The following FDFT1 variants were observed in gnomAD, a reference collection of about 807,000 sequenced individuals.
The protein encoded by FDFT1 is squalene synthase.
A neutral mutation model predicts 46.8 loss-of-function variants in FDFT1; 68 were observed. The ratio of observed to expected loss-of-function variants is 1.45; its 90% CI spans 1.19 to 1.78. The LOEUF is 1.78. Ranked by LOEUF, FDFT1 falls within the 40% of genes most tolerant of loss-of-function variation. FDFT1 has a pLI of 0.00. For synonymous variants in FDFT1, 351 were observed against 185.1 expected (o/e 1.90, Z -7.28); for missense variants, 928 against 524.4 (o/e 1.77, Z -7.52).
intron 1 of FDFT1, 190 bp downstream of exon 1, chr8:11,803,121 C>T: frequency 1.4e-6 from 2 of 1,429,044 alleles, no homozygotes. Flanking sequence ...TCCTGGCTGA[C>T]CTGTCCCTGC....
At chr8:11,808,174 C>A (rs779481655) in intron 1 of FDFT1, 2 of 807,796 alleles carry the variant, frequency 2.5e-6, no homozygotes, top group Non-Finnish European at 1.6e-6. Flanking sequence ...AAGACAGATG[C>A]GTTGAGTACA....
At chr8:11,800,481 C>A (rs1774755082), upstream of FDFT1, among the ~76,000 whole-genome samples, 1 of 151,850 alleles carries the variant, frequency 6.6e-6, no homozygotes. Flanking sequence ...CTGTATTTGT[C>A]CCGATTGGCT....
rs936567324 is a variant in FDFT1 at position 11,838,438 on chromosome 8, G to T, written c.1083G>T (p.Gln361His). The change falls in exon 8 of 8, where the codon CAG becomes CAT. Residue 361 changes from glutamine (Q) to histidine (H), a missense_variant. Gln to His is a conservative substitution (Grantham distance 24). Transcript: ENST00000220584. ...DSDPSSSKTR[Q>H]IISTIRTQNL... ...ACCCATCTTCTAGCAAAACAAGGCAGATCATCTCCACCATCCGGACGCAGA... is the reference window on the plus strand; with the variant it reads ...ACCCATCTTCTAGCAAAACAAGGCATATCATCTCCACCATCCGGACGCAGA... 18 of 1,611,764 alleles carry T rather than the reference G, an allele frequency of 1.1e-5. No homozygotes were observed. The highest frequency in any genetic ancestry group is 1.5e-5 in the Non-Finnish European group (18 of 1,179,088).
Position 11,826,103 on chromosome 8 carries a change from T to C in FDFT1, c.590T>C (p.Val197Ala), listed in dbSNP as rs755134615. ...FSASEFEDPL[V>A]GEDTERANSM... ...GCCTCAGAGTTTGAAGACCCCTTAG[T>C]TGGTGAAGATACAGAACGTGCCAAC... Residue 197 changes from valine (V) to alanine (A), a missense_variant, in exon 5 of 8, where the codon GTT becomes GCT. Transcript: ENST00000220584. 2.5e-6 allele frequency: 4 copies of C among 1,610,892 alleles called. No individual in the cohort carries two copies. Among genetic ancestry groups the C allele is most frequent in the East Asian group, 2.2e-5 (1 of 44,838 alleles).
chr8:11,830,932 A>G (rs368765802), intron 6 of FDFT1, among the ~76,000 whole-genome samples: 165 of 152,362 alleles, frequency 1.1e-3, no homozygotes, highest in African/African-American at 3.7e-3. Context: ...AAGTAACAGC[A>G]TTTAACTGAT....
At chr8:11,836,360 G>C (rs929292026) in intron 7 of FDFT1, among the ~76,000 whole-genome samples, 1 of 152,200 alleles carries the variant, frequency 6.6e-6, no homozygotes, top group Non-Finnish European at 1.5e-5. Context: ...TCCAAGTAGG[G>C]CTGGACCTTG....
intron 2 of FDFT1, chr8:11,809,193 C>G (rs1807358034): frequency 8.2e-7 from 1 of 1,225,482 alleles, no homozygotes; most frequent in South Asian, 2.2e-5. Context: ...CTCGGCTTCC[C>G]TTATCCAACT....
intron 2 of FDFT1, chr8:11,809,106 G>T (rs1438524601): frequency 1.8e-5 from 23 of 1,279,126 alleles, no homozygotes; most frequent in South Asian, 2.1e-5. Flanking sequence ...TTTCAGAGAA[G>T]AGGGGGGAGG....
chr8:11,811,040 T>C (rs573347882), intron 3 of FDFT1, among the ~76,000 whole-genome samples: 3 of 150,772 alleles, frequency 2.0e-5, no homozygotes, highest in African/African-American at 7.3e-5. Flanking sequence ...AGCCCAAATA[T>C]AGTACAACAT....
chr8:11,830,649 A>G lies in FDFT1; in HGVS notation c.879+229A>G, dbSNP rs142337685. Among the ~76,000 whole-genome samples, 325 of 152,182 alleles carry G rather than the reference A, an allele frequency of 2.1e-3. 2 individuals are homozygous for G. The highest frequency in any genetic ancestry group is 6.7e-3 in the African/African-American group (277 of 41,512). On this transcript the variant is annotated intron_variant, in intron 6 of 7. Transcript: ENST00000220584. ...TCAGAACCTTCTTTCTGGATTTACTATTTTCTACAGCTATCCTAAACTAGT... is the reference window on the plus strand; with the variant it reads ...TCAGAACCTTCTTTCTGGATTTACTGTTTTCTACAGCTATCCTAAACTAGT...
chr8:11,819,251 C>A (rs969256878), intron 3 of FDFT1, among the ~76,000 whole-genome samples: 5 of 152,168 alleles, frequency 3.3e-5, no homozygotes, highest in African/African-American at 1.2e-4. Context: ...TTGTGGGTAA[C>A]CCGACCTTTC....
At chr8:11,812,430 G>A (rs565640657) in intron 3 of FDFT1, among the ~76,000 whole-genome samples, 2 of 152,276 alleles carry the variant, frequency 1.3e-5, no homozygotes, top group African/African-American at 2.4e-5. Flanking sequence ...AAATGAATGT[G>A]AGGTGCCTCC....
intron 3 of FDFT1, among the ~76,000 whole-genome samples, chr8:11,816,058 A>C (rs1487508731): frequency 6.6e-6 from 1 of 152,206 alleles, no homozygotes; most frequent in Non-Finnish European, 1.5e-5. Context: ...GATGTAAGGA[A>C]GGGATCCAGT....
chr8:11,834,397 T>G (rs1811260647), intron 7 of FDFT1, among the ~76,000 whole-genome samples: 1 of 152,164 alleles, frequency 6.6e-6, no homozygotes, highest in Non-Finnish European at 1.5e-5. Context: ...CCCATTCCCC[T>G]CTCTGCCAAA....
intron 3 of FDFT1, among the ~76,000 whole-genome samples, chr8:11,811,894 G>T (rs1473693146): frequency 6.6e-6 from 1 of 152,230 alleles, no homozygotes; most frequent in Non-Finnish European, 1.5e-5. Flanking sequence ...TTTGAGATGG[G>T]ACTGTATGGG....
In FDFT1 at chr8:11,838,654, C is replaced by CT. The variant is rs768097910; in HGVS notation, c.*52dup. The CT allele has an allele frequency of 4.2e-6, 6 of 1,430,314 alleles. No homozygotes were observed. The highest frequency in any genetic ancestry group is 1.1e-5 in the South Asian group (1 of 87,172). The allele number at this position is 1,430,314 out of a possible 1,614,324, so 88.6% of individuals were successfully genotyped here. A position where few individuals can be genotyped will look rare whatever the true frequency, so the allele number is the denominator to read the frequency against. On this transcript the variant is annotated 3_prime_UTR_variant, in exon 8 of 8. Coordinates refer to ENST00000220584, the MANE Select transcript of FDFT1 (RefSeq NM_004462.5). ...TGAAGTCCACCATAAAGTGGATTTA[C>CT]TTTTTTTCTTTAAGGATGGATGTTG...
upstream of FDFT1, chr8:11,802,377 G>T (rs1227792826): frequency 2.2e-6 from 1 of 453,340 alleles, no homozygotes; most frequent in Non-Finnish European, 4.4e-6. Context: ...CCCGACTGCG[G>T]ACCACCGTTG....
intron 4 of FDFT1, among the ~76,000 whole-genome samples, chr8:11,822,718 G>A (rs368589032): frequency 3.3e-5 from 5 of 152,264 alleles, no homozygotes; most frequent in South Asian, 4.1e-4. Flanking sequence ...GGAGGCTGAG[G>A]TGTGGGAGGA....
chr8:11,803,192 G>A (rs541086656), intron 1 of FDFT1: 13 of 1,410,970 alleles, frequency 9.2e-6, no homozygotes, highest in African/African-American at 2.9e-5. Flanking sequence ...TGCGCTCCCC[G>A]TTTCGTCCCC....
Sources: gnomAD v4.1 joint callset for allele counts (sites outside exome capture counted in the v4.1 genomes callset) on GRCh38, gnomAD v4.1.1 for gene constraint, MANE v1.5 for transcripts, NCBI Gene and HGNC (gene_info 2026-07-23, HGNC 2026-07-21) for gene names.